The following KIAA1191 variants were observed in gnomAD, a reference collection of about 807,000 sequenced individuals.
The protein encoded by KIAA1191 is putative monooxygenase p33MONOX.
Under a neutral mutation model 31.1 loss-of-function variants are expected in KIAA1191, and 22 were observed. The ratio of observed to expected loss-of-function variants is 0.71; its 90% CI spans 0.51 to 1.01. The LOEUF is 1.01. KIAA1191 is among the 50% of genes least tolerant of loss of function. The pLI is 0.00. For missense variants in KIAA1191, 319 were observed against 388.0 expected, an observed-to-expected ratio of 0.82 and a Z score of 1.49; for synonymous variants, 130 against 143.9, an observed-to-expected ratio of 0.90 and a Z score of 0.69.
chr5:176,359,379 A>G (rs1348590558), intron 3 of KIAA1191, 102 bp downstream of exon 3: 1 of 1,020,692 alleles, frequency 9.8e-7, no homozygotes, highest in Non-Finnish European at 1.5e-6. Context: ...GCTTGGTAGC[A>G]GAGATTAACC....
rs115903912 is a variant in KIAA1191, at chr5:176,350,888, C to T, written c.335-151G>A. ...GACTTTCCCCAGAGAGGCACCACAG[C>T]AGTAATTCTGAACCTCACACAAAGG... On this transcript the variant is annotated intron_variant, in intron 5 of 8. Transcript: ENST00000298569. 7.0e-4 allele frequency: 669 copies of T among 949,482 alleles called. 6 individuals are homozygous for T. In the African/African-American group the frequency reaches 1.0e-2, roughly 14 times the overall value. 58.8% of individuals were successfully genotyped at this position (949,482 alleles called of 1,614,324 possible). A position where few individuals can be genotyped will look rare whatever the true frequency, so the allele number is the denominator to read the frequency against.
At chr5:176,360,153 A>ATTTTTTTT (rs200839926) in intron 1 of KIAA1191, among the ~76,000 whole-genome samples, 1 of 123,078 alleles carries the variant, frequency 8.1e-6, no homozygotes, top group East Asian at 2.2e-4. Context: ...CCCAATCCCA[A>ATTTTTTTT]TTTTTTTTTT....
rs1487619751 is a variant in KIAA1191 at position 176,355,944 on chromosome 5, G to A, written c.29-195C>T. The A allele has an allele frequency of 1.6e-6, 1 of 614,504 alleles. No individual in the cohort carries two copies. The highest frequency in any genetic ancestry group is 1.9e-5 in the African/African-American group (1 of 53,742). 38.1% of individuals were successfully genotyped at this position (614,504 alleles called of 1,614,324 possible). A position where few individuals can be genotyped will look rare whatever the true frequency, so the allele number is the denominator to read the frequency against. On this transcript the variant is annotated intron_variant, in intron 3 of 8. Coordinates refer to ENST00000298569, the MANE Select transcript of KIAA1191 (RefSeq NM_020444.5). This position sits in a 1 kb window ranked among gnomAD's most constrained non-coding sequence, Gnocchi z 4.2. Reference sequence around the variant, plus strand: ...TCCTCTATGCCTGACACCTTGGGTGGTCCACTTAACCCACTCAGCCGTCCT... The same window carrying A: ...TCCTCTATGCCTGACACCTTGGGTGATCCACTTAACCCACTCAGCCGTCCT...
chr5:176,347,871 ATGG>A (rs1766649431), intron 8 of KIAA1191, 47 bp downstream of exon 8: 1 of 1,612,232 alleles, frequency 6.2e-7, no homozygotes, highest in Non-Finnish European at 8.5e-7. Context: ...GGTATACAAT[ATGG>A]TAAGATGTCT....
chr5:176,352,520 G>C (rs1767121883), intron 5 of KIAA1191, 102 bp downstream of exon 5: 1 of 1,357,332 alleles, frequency 7.4e-7, no homozygotes. Flanking sequence ...TTAGGATAAG[G>C]TAAGGCGAGC....
chr5:176,348,790 C>T (rs1188756701), intron 6 of KIAA1191, among the ~76,000 whole-genome samples: 1 of 152,044 alleles, frequency 6.6e-6, no homozygotes, highest in African/African-American at 2.4e-5. Flanking sequence ...AATACTCAGG[C>T]ATGCTGCTTC....
chr5:176,348,472 G>A (rs1193230212), intron 6 of KIAA1191, 116 bp from the exon 7 acceptor site: 3 of 684,698 alleles, frequency 4.4e-6, no homozygotes, highest in Non-Finnish European at 5.0e-6. Context: ...GACATCTACA[G>A]GTGGAATGAT....
At chr5:176,352,867 C>A (rs1767155378) in intron 4 of KIAA1191, 119 bp from the exon 5 acceptor site, 2 of 1,148,744 alleles carry the variant, frequency 1.7e-6, no homozygotes, top group East Asian at 5.5e-5. Context: ...GTGAGGAAAT[C>A]ATTGAAGGGA....
At chr5:176,347,898 C>CT in intron 8 of KIAA1191, 23 bp downstream of exon 8, 2 of 1,613,974 alleles carry the variant, frequency 1.2e-6, no homozygotes, top group Non-Finnish European at 1.7e-6. Flanking sequence ...ATGCTGCTCT[C>CT]TTTTTTGAAG....
intron 6 of KIAA1191, 118 bp from the exon 7 acceptor site, chr5:176,348,474 T>G: frequency 4.4e-6 from 3 of 679,218 alleles, no homozygotes; most frequent in South Asian, 3.7e-5. Flanking sequence ...CATCTACAGG[T>G]GGAATGATTT....
At position 176,355,820 on chromosome 5, in the gene KIAA1191, G is replaced by T; in HGVS notation, c.29-71C>A. The T allele has an allele frequency of 2.1e-6, 3 of 1,447,732 alleles. No homozygotes were observed. Among genetic ancestry groups the T allele is most frequent in the Non-Finnish European group, 2.9e-6 (3 of 1,031,928 alleles). The allele number at this position is 1,447,732 out of a possible 1,614,324, so 89.7% of individuals were successfully genotyped here. A position where few individuals can be genotyped will look rare whatever the true frequency, so the allele number is the denominator to read the frequency against. On this transcript the variant is annotated intron_variant, in intron 3 of 8. Transcript: ENST00000298569. The surrounding 1 kb of genome is among the most constrained non-coding windows in gnomAD (Gnocchi z 4.2). ...ACTAGCAGCTTTAAATTAATCTACAGGAAGGAAAGCTCTGAAATACTCTTG... is the reference window on the plus strand; with the variant it reads ...ACTAGCAGCTTTAAATTAATCTACATGAAGGAAAGCTCTGAAATACTCTTG...
chr5:176,347,554 T>C lies in KIAA1191; in HGVS notation c.*46A>G, dbSNP rs766444678. 2 of 1,367,480 alleles carry C rather than the reference T, an allele frequency of 1.5e-6. No individual in the cohort carries two copies. The highest frequency in any genetic ancestry group is 1.7e-5 in the South Asian group (1 of 58,770). 84.7% of individuals were successfully genotyped at this position (1,367,480 alleles called of 1,614,324 possible). A position where few individuals can be genotyped will look rare whatever the true frequency, so the allele number is the denominator to read the frequency against. On this transcript the variant is annotated 3_prime_UTR_variant, in exon 9 of 9. Coordinates refer to ENST00000298569, the MANE Select transcript of KIAA1191 (RefSeq NM_020444.5). ...TGTCAAAGCCAAGGTAAAAGGGGAGTGGGATGCAAGAAACCACCTTTACCA... is the reference window on the plus strand; with the variant it reads ...TGTCAAAGCCAAGGTAAAAGGGGAGCGGGATGCAAGAAACCACCTTTACCA...
chr5:176,359,708 A>G, intron 2 of KIAA1191, 103 bp downstream of exon 2: 1 of 562,086 alleles, frequency 1.8e-6, no homozygotes, highest in Non-Finnish European at 3.3e-6. Context: ...TGCCAATGAA[A>G]AAAGAAGGAT....
intron 5 of KIAA1191, among the ~76,000 whole-genome samples, chr5:176,351,740 A>G (rs1281297909): frequency 6.6e-6 from 1 of 151,968 alleles, no homozygotes; most frequent in Non-Finnish European, 1.5e-5. Flanking sequence ...CCTGGGTGAC[A>G]GAGTGAGACT....
At chr5:176,357,087 C>T (rs2113504901) in intron 3 of KIAA1191, 1 of 152,268 alleles carries the variant, frequency 6.6e-6, no homozygotes, top group East Asian at 1.9e-4. Context: ...GGGTGGATCA[C>T]CTGAGGTCAG....
rs557352873 is a variant in KIAA1191 at position 176,351,170 on chromosome 5, A to G, written c.335-433T>C. ...ATCCTGGCTAACAAGGTGAAACCCC[A>G]TCTCTACTAAAAATACAAAAATTAG... On this transcript the variant is annotated intron_variant, in intron 5 of 8. Coordinates refer to ENST00000298569, the MANE Select transcript of KIAA1191 (RefSeq NM_020444.5). 6.7e-4 allele frequency among the ~76,000 whole-genome samples: 102 copies of G among 151,948 alleles called. 1 individual carries two copies. Among genetic ancestry groups the G allele is most frequent in the Middle Eastern group, 3.4e-3 (1 of 290 alleles).
At position 176,355,875 on chromosome 5, in the gene KIAA1191, G is replaced by T; in HGVS notation, c.29-126C>A. 1 of 919,560 alleles carries T rather than the reference G, an allele frequency of 1.1e-6. No homozygotes were observed. The highest frequency in any genetic ancestry group is 1.7e-6 in the Non-Finnish European group (1 of 583,042). The allele number at this position is 919,560 out of a possible 1,614,324, so 57.0% of individuals were successfully genotyped here. ...TGAACAGAGCAAAATAGCTTGTTTT[G>T]GAGTAGCTAATCCCATCCAGGAAAG... is the stretch of plus-strand genomic sequence containing the variant. On this transcript the variant is annotated intron_variant, in intron 3 of 8. Transcript: ENST00000298569. The surrounding 1 kb of genome is among the most constrained non-coding windows in gnomAD (Gnocchi z 4.2).
In KIAA1191 at chr5:176,355,542, T is replaced by C. The variant is rs373271773; in HGVS notation, c.207+29A>G. 6.3e-7 allele frequency: 1 copy of C among 1,596,634 alleles called. No individual in the cohort carries two copies. Among genetic ancestry groups the C allele is most frequent in the East Asian group, 2.2e-5 (1 of 44,548 alleles). On this transcript the variant is annotated intron_variant, in intron 4 of 8. Transcript: ENST00000298569. This position sits in a 1 kb window ranked among gnomAD's most constrained non-coding sequence, Gnocchi z 4.2. The stretch of plus-strand genomic sequence containing the variant: ...AGAGGAAGGACAAAGGGGTTGCGTA[T>C]GCCAGAAATGGCCAGCAGGGTCAGA...
At position 176,361,049 on chromosome 5, in the gene KIAA1191, T is replaced by TAGCAAACA. The variant is rs1767959453; in HGVS notation, c.-168+552_-168+553insTGTTTGCT. The TAGCAAACA allele has an allele frequency of 6.6e-6, 1 of 152,154 alleles. No individual in the cohort carries two copies. The highest frequency in any genetic ancestry group is 2.4e-5 in the African/African-American group (1 of 41,416). The allele number at this position is 152,154 out of a possible 1,614,324, so 9.4% of individuals were successfully genotyped here. ...TCAGACAGAGCAAACAAGTTATTGA[T>TAGCAAACA]AGTTCTTCACTAACGAGCATCGCAA... On this transcript the variant is annotated intron_variant, in intron 1 of 8. Coordinates refer to ENST00000298569, the MANE Select transcript of KIAA1191 (RefSeq NM_020444.5). This position sits in a 1 kb window ranked among gnomAD's most constrained non-coding sequence, Gnocchi z 4.0.
Sources: gnomAD v4.1 joint callset for allele counts (sites outside exome capture counted in the v4.1 genomes callset) on GRCh38, gnomAD v4.1.1 for gene constraint, Gnocchi (gnomAD v3.1) non-coding constraint, MANE v1.5 for transcripts, NCBI Gene and HGNC (gene_info 2026-07-23, HGNC 2026-07-21) for gene names.